Variants in OAF observed in about 807,000 individuals in gnomAD.
The protein encoded by OAF is out at first homolog.
OAF carries 13 observed loss-of-function variants against 22.5 expected under a neutral mutation model. The observed-to-expected ratio is 0.58, with a 90% CI of 0.38 to 0.92. The LOEUF (loss-of-function observed/expected upper bound fraction) is 0.92, where lower values mean the gene tolerates loss of function less well. Ranked by LOEUF, OAF falls within the 40% of genes least tolerant of loss-of-function variation. The probability of loss-of-function intolerance (pLI) is 0.00; values close to 1 mark genes in which losing one functional copy is unlikely to be tolerated. For missense variants in OAF, 347 were observed against 381.8 expected (o/e 0.91, Z 0.76); for synonymous variants, 175 against 170.5 (o/e 1.03, Z -0.21).
chr11:120,229,019 C>T lies in OAF; in HGVS notation c.699C>T (p.His233=). Reference sequence around the variant, plus strand: ...ACCCCTGCATGCTCAAGTACTGCCACAGCCGCGACCGGCCCACGCCCTACA... The same window carrying T: ...ACCCCTGCATGCTCAAGTACTGCCATAGCCGCGACCGGCCCACGCCCTACA... ...AWYPCMLKYC[H]SRDRPTPYKC... The change falls in exon 4 of 4, where the codon CAC becomes CAT. Residue 233 remains histidine, a synonymous_variant. Transcript: ENST00000328965. The T allele has an allele frequency of 1.9e-6, 3 of 1,613,618 alleles. No homozygotes were observed. The highest frequency in any genetic ancestry group is 2.5e-6 in the Non-Finnish European group (3 of 1,180,012).
rs562384596 is a variant in OAF at position 120,212,755 on chromosome 11, G to A, written c.231+1245G>A. Among the ~76,000 whole-genome samples the A allele has an allele frequency of 2.0e-5, 3 of 150,150 alleles. No individual in the cohort carries two copies. The East Asian group carries it at 5.9e-4, about 30-fold the overall frequency. On this transcript the variant is annotated intron_variant, in intron 1 of 3. Coordinates refer to ENST00000328965, the MANE Select transcript of OAF (RefSeq NM_178507.4). ...TGACCGCTAGAGGTGGGTGGGGTTG[G>A]GGGGTGAGGCTTGACCGCTGATTGC...
At chr11:120,225,214 A>C (rs1009023215) in intron 1 of OAF, among the ~76,000 whole-genome samples, 1 of 151,524 alleles carries the variant, frequency 6.6e-6, no homozygotes, top group Non-Finnish European at 1.5e-5. Context: ...GCATCTTGAG[A>C]CCTCTCCCCA....
At position 120,228,844 on chromosome 11, in the gene OAF, CTGATCCTTGCCT is replaced by C; in HGVS notation, c.548-23_548-12del. On this transcript the variant is annotated splice_polypyrimidine_tract_variant and intron_variant, in intron 3 of 3. Transcript: ENST00000328965. ...CTTCCCTCCCTCCCTCCCTCCCTCC[CTGATCCTTGCCT>C]CTCTCCCCCAGGTGTGGACAGTTCT... 1 of 1,411,580 alleles carries C rather than the reference CTGATCCTTGCCT, an allele frequency of 7.1e-7. No homozygotes were observed. Among genetic ancestry groups the C allele is most frequent in the South Asian group, 1.2e-5 (1 of 83,764 alleles). The allele number at this position is 1,411,580 out of a possible 1,614,324, so 87.4% of individuals were successfully genotyped here.
chr11:120,230,127 C>T lies in OAF; in HGVS notation c.*985C>T, dbSNP rs1274368272. The stretch of plus-strand genomic sequence containing the variant: ...GTTACTAGGGAAGGATGAGATAAAA[C>T]TTCTGCACCCAAGACAATGAGACAG... On this transcript the variant is annotated 3_prime_UTR_variant, in exon 4 of 4. Transcript: ENST00000328965. 2 of 152,210 alleles carry T rather than the reference C, an allele frequency of 1.3e-5. No homozygotes were observed. The highest frequency in any genetic ancestry group is 4.8e-5 in the African/African-American group (2 of 41,452). 9.4% of individuals were successfully genotyped at this position (152,210 alleles called of 1,614,324 possible).
intron 1 of OAF, among the ~76,000 whole-genome samples, chr11:120,221,277 G>A (rs937584476): frequency 1.3e-5 from 2 of 152,338 alleles, no homozygotes; most frequent in Non-Finnish European, 2.9e-5. Context: ...CCTGCCCCAT[G>A]TCCTGCTAAT....
intron 1 of OAF, among the ~76,000 whole-genome samples, chr11:120,219,024 A>G (rs538256251): frequency 1.3e-5 from 2 of 150,042 alleles, no homozygotes; most frequent in Non-Finnish European, 3.0e-5. Context: ...GAGAAGTGGC[A>G]TCGGGAGGAG....
At chr11:120,211,759 A>C (rs1198841583) in intron 1 of OAF, among the ~76,000 whole-genome samples, 1 of 152,034 alleles carries the variant, frequency 6.6e-6, no homozygotes, top group Non-Finnish European at 1.5e-5. Context: ...CCAGGTGCTA[A>C]CCCTCCTCCA....
chr11:120,215,048 C>T (rs1450293625), intron 1 of OAF, among the ~76,000 whole-genome samples: 1 of 152,178 alleles, frequency 6.6e-6, no homozygotes, highest in African/African-American at 2.4e-5. Context: ...AGGCAGCAGT[C>T]GTTTTGGTTT....
intron 1 of OAF, among the ~76,000 whole-genome samples, chr11:120,220,766 C>T (rs1403493140): frequency 6.6e-6 from 1 of 152,216 alleles, no homozygotes; most frequent in Non-Finnish European, 1.5e-5. Flanking sequence ...CAGCATCGCT[C>T]ATTCTGGGAA....
intron 1 of OAF, among the ~76,000 whole-genome samples, chr11:120,224,977 A>T (rs1389833326): frequency 6.6e-6 from 1 of 152,188 alleles, no homozygotes; most frequent in Non-Finnish European, 1.5e-5. Flanking sequence ...ACAGTGAGTC[A>T]GTAACAGGAA....
chr11:120,225,796 G>T lies in OAF; in HGVS notation c.366+1G>T. 2 of 1,597,676 alleles carry T rather than the reference G, an allele frequency of 1.3e-6. No individual in the cohort carries two copies. The highest frequency in any genetic ancestry group is 1.7e-6 in the Non-Finnish European group (2 of 1,173,098). On this transcript the variant is annotated splice_donor_variant, in intron 2 of 3. Transcript: ENST00000328965. LOFTEE classifies it high-confidence loss of function. The stretch of plus-strand genomic sequence containing the variant: ...TGAGGCCATGGCCAAGCTCCGGCAG[G>T]TAAGTGCCCCACCAGGCCTGCCTGG...
chr11:120,217,185 C>G (rs186247178), intron 1 of OAF: 1 of 152,404 alleles, frequency 6.6e-6, no homozygotes, highest in Admixed American at 6.5e-5. Flanking sequence ...CACGCTCTTA[C>G]CTCCAGTGGA....
chr11:120,216,196 G>T (rs1450914610), intron 1 of OAF, among the ~76,000 whole-genome samples: 1 of 152,176 alleles, frequency 6.6e-6, no homozygotes, highest in Admixed American at 6.5e-5. Context: ...TGGTCTGTGG[G>T]TGGGGGAGCA....
intron 1 of OAF, among the ~76,000 whole-genome samples, chr11:120,215,576 C>T (rs567602421): frequency 1.3e-5 from 2 of 152,338 alleles, no homozygotes; most frequent in South Asian, 2.1e-4. Flanking sequence ...ATTCACAGCG[C>T]GCCCTTGGTG....
At chr11:120,215,508 G>A (rs890736570) in intron 1 of OAF, among the ~76,000 whole-genome samples, 1 of 152,226 alleles carries the variant, frequency 6.6e-6, no homozygotes, top group East Asian at 1.9e-4. Flanking sequence ...ATCCTAATGT[G>A]TTTTGAGCAG....
At position 120,229,804 on chromosome 11, in the gene OAF, C is replaced by G. The variant is rs1399717348; in HGVS notation, c.*662C>G. Reference sequence around the variant, plus strand: ...TCCAGAGCAGGCACCAGCTCTTTCCCTCTCTACACAGAAATATTTTTGTAA... The same window carrying G: ...TCCAGAGCAGGCACCAGCTCTTTCCGTCTCTACACAGAAATATTTTTGTAA... On this transcript the variant is annotated 3_prime_UTR_variant, in exon 4 of 4. Transcript: ENST00000328965. 6.5e-6 allele frequency: 1 copy of G among 152,742 alleles called. No individual in the cohort carries two copies. 9.5% of individuals were successfully genotyped at this position (152,742 alleles called of 1,614,324 possible).
At chr11:120,221,781 G>T (rs1485688575) in intron 1 of OAF, among the ~76,000 whole-genome samples, 7 of 152,146 alleles carry the variant, frequency 4.6e-5, no homozygotes, top group African/African-American at 1.7e-4. Flanking sequence ...CCTCTGCGTG[G>T]CCCAGATCCT....
chr11:120,219,553 C>T (rs1373163700), intron 1 of OAF, among the ~76,000 whole-genome samples: 1 of 152,192 alleles, frequency 6.6e-6, no homozygotes, highest in African/African-American at 2.4e-5. Context: ...CAGGGGTGCT[C>T]TGCCGTCTCT....
chr11:120,216,201 G>T (rs1286128939), intron 1 of OAF, among the ~76,000 whole-genome samples: 1 of 152,128 alleles, frequency 6.6e-6, no homozygotes, highest in Non-Finnish European at 1.5e-5. Context: ...TGTGGGTGGG[G>T]GAGCAACATG....
Sources: gnomAD v4.1 joint callset for allele counts (sites outside exome capture counted in the v4.1 genomes callset) on GRCh38, gnomAD v4.1.1 for gene constraint, MANE v1.5 for transcripts, NCBI Gene and HGNC (gene_info 2026-07-23, HGNC 2026-07-21) for gene names.